GPC5: variants seen among roughly 807,000 people sequenced by gnomAD.
The protein encoded by GPC5 is glypican 5, also known as glypican-5.
Under a neutral mutation model 53.9 loss-of-function variants are expected in GPC5, and 47 were observed. That is an observed-to-expected ratio of 0.87 (90% CI 0.69 to 1.11). The LOEUF is 1.11. Ranked by LOEUF, GPC5 falls within the 50% of genes most tolerant of loss-of-function variation. The pLI is 0.00. For missense variants in GPC5, 748 were observed against 713.1 expected (o/e 1.05, Z -0.56); for synonymous variants, 286 against 263.3 (o/e 1.09, Z -0.84).
chr13:92,179,732 T>C (rs184873149), intron 7 of GPC5, among the ~76,000 whole-genome samples: 2 of 152,230 alleles, frequency 1.3e-5, no homozygotes, highest in Admixed American at 6.5e-5. Flanking sequence ...TCAGTTTCAT[T>C]ATATGCTTTT....
intron 7 of GPC5, among the ~76,000 whole-genome samples, chr13:92,790,669 A>G (rs896527766): frequency 6.6e-6 from 1 of 152,186 alleles, no homozygotes; most frequent in Middle Eastern, 3.4e-3. Flanking sequence ...TAAAGGAAGG[A>G]AGGAAGAAGG....
At chr13:91,548,775 G>A (rs1199472247) in intron 2 of GPC5, among the ~76,000 whole-genome samples, 1 of 152,124 alleles carries the variant, frequency 6.6e-6, no homozygotes, top group Non-Finnish European at 1.5e-5. Context: ...GAATAGAATG[G>A]GGACCCCAGA....
rs35563055 is a variant in GPC5, at chr13:92,422,533, A to ACACCC, written c.1561+277545_1561+277546insACCCC. Among the ~76,000 whole-genome samples, 207 of 122,148 alleles carry ACACCC rather than the reference A, an allele frequency of 1.7e-3. 1 individual carries two copies. The highest frequency in any genetic ancestry group is 4.9e-3 in the Admixed American group (65 of 13,164). The allele number at this position is 122,148 out of a possible 152,430, so 80.1% of individuals were successfully genotyped here. On this transcript the variant is annotated intron_variant, in intron 7 of 7. Transcript: ENST00000377067. ...ACACACACACACACACACACACACAACTTCTTGGAAAGAAAAGTATTCCCC... is the reference window on the plus strand; with the variant it reads ...ACACACACACACACACACACACACAACACCCCTTCTTGGAAAGAAAAGTATTCCCC...
chr13:91,933,497 G>T (rs1418987431), intron 6 of GPC5, among the ~76,000 whole-genome samples: 9 of 151,844 alleles, frequency 5.9e-5, no homozygotes, highest in Admixed American at 3.3e-4. Context: ...CCCTGCAAAG[G>T]TCTGGGTATT....
rs557030799 is a variant in GPC5, at chr13:91,971,400, A to C, written c.1401+63343A>C. On this transcript the variant is annotated intron_variant, in intron 6 of 7. Transcript: ENST00000377067. ...TGCTAGCGGTCTATCAATTTTGTTG[A>C]TCTTTTCAAAAAACCAGCTCCTAGA... Among the ~76,000 whole-genome samples the C allele has an allele frequency of 5.9e-5, 9 of 151,624 alleles. No individual in the cohort carries two copies. The South Asian group carries it at 1.7e-3, about 28-fold the overall frequency.
At chr13:91,685,772 G>A (rs576322784) in intron 2 of GPC5, among the ~76,000 whole-genome samples, 1 of 152,194 alleles carries the variant, frequency 6.6e-6, no homozygotes, top group East Asian at 1.9e-4. Context: ...TACACTAAGA[G>A]GGAATAGACA....
intron 6 of GPC5, among the ~76,000 whole-genome samples, chr13:91,951,043 A>G (rs2139059514): frequency 6.6e-6 from 1 of 152,308 alleles, no homozygotes; most frequent in South Asian, 2.1e-4. Context: ...ATTGTTTTAT[A>G]AAATTTCTGT....
intron 7 of GPC5, among the ~76,000 whole-genome samples, chr13:92,482,054 C>T (rs1023904280): frequency 6.6e-6 from 1 of 151,916 alleles, no homozygotes; most frequent in Admixed American, 6.6e-5. Flanking sequence ...TTGCTTGAAC[C>T]CTGGAGGCAG....
intron 6 of GPC5, among the ~76,000 whole-genome samples, chr13:92,021,233 C>T (rs1310919673): frequency 6.6e-6 from 1 of 152,012 alleles, no homozygotes; most frequent in Non-Finnish European, 1.5e-5. Flanking sequence ...CAAATAAATC[C>T]CCATCAACAG....
chr13:91,541,506 GTTTAA>G (rs2029927637), intron 2 of GPC5, among the ~76,000 whole-genome samples: 1 of 151,948 alleles, frequency 6.6e-6, no homozygotes, highest in African/African-American at 2.4e-5. Flanking sequence ...ATACCACATT[GTTTAA>G]TTTATGTTTT....
chr13:91,880,451 G>C (rs750487488), intron 5 of GPC5, among the ~76,000 whole-genome samples: 5 of 151,748 alleles, frequency 3.3e-5, no homozygotes, highest in Non-Finnish European at 5.9e-5. Flanking sequence ...TATGTAATTA[G>C]CATTCCTTTT....
intron 7 of GPC5, among the ~76,000 whole-genome samples, chr13:92,215,963 G>A (rs2042406880): frequency 6.6e-6 from 1 of 152,062 alleles, no homozygotes; most frequent in African/African-American, 2.4e-5. Flanking sequence ...ATGGTGAGAG[G>A]GTCTGGGAAT....
At chr13:92,396,585 A>G (rs1196145904) in intron 7 of GPC5, among the ~76,000 whole-genome samples, 1 of 152,100 alleles carries the variant, frequency 6.6e-6, no homozygotes, top group Non-Finnish European at 1.5e-5. Flanking sequence ...CTTGTTACAT[A>G]GGTAAACATG....
chr13:91,755,777 A>G (rs1363117138), intron 4 of GPC5, among the ~76,000 whole-genome samples: 3 of 152,104 alleles, frequency 2.0e-5, no homozygotes, highest in Non-Finnish European at 4.4e-5. Flanking sequence ...TTATGTTCTT[A>G]GATACCAAGA....
intron 7 of GPC5, among the ~76,000 whole-genome samples, chr13:92,382,358 T>G (rs931061020): frequency 1.3e-5 from 2 of 151,938 alleles, no homozygotes; most frequent in African/African-American, 2.4e-5. Flanking sequence ...CCCCAATAAC[T>G]TATGGAAAAA....
intron 7 of GPC5, among the ~76,000 whole-genome samples, chr13:92,159,123 A>G: frequency 1.3e-5 from 2 of 152,284 alleles, no homozygotes; most frequent in Admixed American, 1.3e-4. Context: ...AATTGTGCTT[A>G]CGTAAACTAC....
chr13:91,525,140 C>A (rs1220745508), intron 2 of GPC5, among the ~76,000 whole-genome samples: 1 of 152,078 alleles, frequency 6.6e-6, no homozygotes, highest in African/African-American at 2.4e-5. Flanking sequence ...TCTATACAAA[C>A]GAACTATGTA....
chr13:92,469,668 A>C (rs1878835202), intron 7 of GPC5, among the ~76,000 whole-genome samples: 1 of 152,136 alleles, frequency 6.6e-6, no homozygotes, highest in African/African-American at 2.4e-5. Context: ...ATAGACAGAA[A>C]GTAAAAATTT....
chr13:92,332,580 T>G (rs1425542666), intron 7 of GPC5, among the ~76,000 whole-genome samples: 3 of 152,136 alleles, frequency 2.0e-5, no homozygotes, highest in Non-Finnish European at 4.4e-5. Flanking sequence ...AATAGCATAA[T>G]GTACAATAAG....
Sources: allele counts gnomAD v4.1 joint callset (sites outside exome capture counted in the v4.1 genomes callset), GRCh38; gene constraint gnomAD v4.1.1; transcripts MANE v1.5; gene names NCBI Gene and HGNC (gene_info 2026-07-23, HGNC 2026-07-21).